Variants in LIPN observed in about 807,000 individuals in gnomAD.
The protein encoded by LIPN is lipase member N.
A neutral mutation model predicts 43.7 loss-of-function variants in LIPN; 32 were observed. The observed-to-expected ratio is 0.73, with a 90% CI of 0.55 to 0.98. The LOEUF (loss-of-function observed/expected upper bound fraction) is 0.98. Among genes scored for constraint, LIPN ranks in the 50% least tolerant of loss-of-function variants. The pLI is 0.00. For missense variants in LIPN, 505 were observed against 483.8 expected (o/e 1.04, Z -0.41); for synonymous variants, 156 against 157.6 (o/e 0.99, Z 0.08).
intron 4 of LIPN, among the ~76,000 whole-genome samples, 172 bp from the exon 5 acceptor site, chr10:88,766,097 G>T (rs1843091250): frequency 6.6e-6 from 1 of 151,866 alleles, no homozygotes; most frequent in African/African-American, 2.4e-5. Context: ...ATGTACATAT[G>T]CAGAAAAACA....
At position 88,766,339 on chromosome 10, in the gene LIPN, A is replaced by G; in HGVS notation, c.496A>G (p.Lys166Glu). 6.2e-7 allele frequency: 1 copy of G among 1,609,042 alleles called. No individual in the cohort carries two copies. Among genetic ancestry groups the G allele is most frequent in the Non-Finnish European group, 8.5e-7 (1 of 1,176,178 alleles). ...CATTGTAAATAAAACTGGTCAGGAG[A>G]AATTGTATTTCATTGGACATTCACT... ...DFIVNKTGQE[K>E]LYFIGHSLGT... is the part of the protein sequence containing the mutation. Residue 166 changes from lysine (K) to glutamate (E), a missense_variant, in exon 5 of 10, where the codon AAA (lysine) becomes GAA (glutamate). Lys to Glu is a moderately conservative substitution (Grantham distance 56, BLOSUM62 1). Coordinates refer to ENST00000404459, the MANE Select transcript of LIPN (RefSeq NM_001102469.2).
upstream of LIPN, among the ~76,000 whole-genome samples, chr10:88,757,333 C>T (rs1842938382): frequency 6.6e-6 from 1 of 152,094 alleles, no homozygotes; most frequent in Admixed American, 6.6e-5. Flanking sequence ...AGGATTTGAC[C>T]TTTGTCACAA....
intron 4 of LIPN, among the ~76,000 whole-genome samples, chr10:88,764,985 A>C (rs988379665): frequency 1.3e-5 from 2 of 151,278 alleles, no homozygotes; most frequent in African/African-American, 2.4e-5. Context: ...AAACTCTCTG[A>C]CCTCACAAAG....
At chr10:88,766,525 C>G (rs1843102712) in intron 5 of LIPN, 147 bp downstream of exon 5, 1 of 663,770 alleles carries the variant, frequency 1.5e-6, no homozygotes, top group Non-Finnish European at 2.7e-6. Context: ...AACCCTAGTA[C>G]TCTAAGTAGC....
At chr10:88,761,119 C>T (rs967523477) in intron 1 of LIPN, among the ~76,000 whole-genome samples, 7 of 152,074 alleles carry the variant, frequency 4.6e-5, no homozygotes, top group African/African-American at 1.7e-4. Context: ...AGACTTAAAG[C>T]AATTCAACCT....
chr10:88,777,367 T>C (rs963449469), intron 9 of LIPN, among the ~76,000 whole-genome samples: 1 of 152,084 alleles, frequency 6.6e-6, no homozygotes, highest in Non-Finnish European at 1.5e-5. Flanking sequence ...TCAGCATAGC[T>C]TTAATTTGGA....
At chr10:88,777,299 C>G (rs1843311210) in intron 9 of LIPN, among the ~76,000 whole-genome samples, 1 of 152,084 alleles carries the variant, frequency 6.6e-6, no homozygotes, top group Non-Finnish European at 1.5e-5. Flanking sequence ...TTCCACCTCT[C>G]TGAAATCATT....
rs372525200 is a variant in LIPN at position 88,770,950 on chromosome 10, A to G, written c.778A>G (p.Met260Val). 12 of 1,569,788 alleles carry G rather than the reference A, an allele frequency of 7.6e-6. No homozygotes were observed. The highest frequency in any genetic ancestry group is 5.4e-5 in the African/African-American group (4 of 73,878). ...ACTCTGGTTGATATGTAGCGAATTT[A>G]TGTCCTTATGGGCTGGATCCAACAA... ...KILWLICSEF[M>V]SLWAGSNKKN... The change falls in exon 7 of 10, where the codon ATG becomes GTG. Residue 260 changes from methionine to valine, a missense_variant. Physicochemically the swap from Met to Val is conservative, Grantham distance 21. Transcript: ENST00000404459.
At chr10:88,758,899 A>G, upstream of LIPN, among the ~76,000 whole-genome samples, 1 of 152,130 alleles carries the variant, frequency 6.6e-6, no homozygotes, top group African/African-American at 2.4e-5. Flanking sequence ...CAACAAATCA[A>G]TATTAATAAT....
intron 9 of LIPN, among the ~76,000 whole-genome samples, chr10:88,776,582 A>ATTC (rs1164971715): frequency 1.3e-5 from 2 of 152,098 alleles, no homozygotes; most frequent in Non-Finnish European, 2.9e-5. Flanking sequence ...ACTAGTCTCA[A>ATTC]CAGTTTGCTC....
chr10:88,764,346 TCTCA>T, intron 3 of LIPN, 60 bp from the exon 4 acceptor site: 1 of 1,254,594 alleles, frequency 8.0e-7, no homozygotes. Context: ...CATAAATTAC[TCTCA>T]CTCTTTCTCT....
chr10:88,770,535 T>C (rs544472957), intron 6 of LIPN, among the ~76,000 whole-genome samples: 48 of 151,886 alleles, frequency 3.2e-4, no homozygotes, highest in Non-Finnish European at 5.7e-4. Context: ...TTGTAAATAA[T>C]ATTTGATACT....
rs1268289167 is a variant in LIPN at position 88,778,310 on chromosome 10, A to T, written c.*68A>T. ...CATAAGGGACTTTAGAAAAAATAGT[A>T]ACCAACAATGAGGTTGTCCCCCAGC... On this transcript the variant is annotated 3_prime_UTR_variant, in exon 10 of 10. Transcript: ENST00000404459. 4 of 1,176,940 alleles carry T rather than the reference A, an allele frequency of 3.4e-6. No individual in the cohort carries two copies. The highest frequency in any genetic ancestry group is 2.8e-5 in the South Asian group (2 of 71,418). The allele number at this position is 1,176,940 out of a possible 1,614,324, so 72.9% of individuals were successfully genotyped here. A position where few individuals can be genotyped will look rare whatever the true frequency, so the allele number is the denominator to read the frequency against.
intron 9 of LIPN, among the ~76,000 whole-genome samples, chr10:88,775,822 G>A (rs763820970): frequency 1.3e-5 from 2 of 151,902 alleles, no homozygotes; most frequent in Non-Finnish European, 2.9e-5. Flanking sequence ...ATTGTTTTAA[G>A]TATTTTCCCA....
At chr10:88,773,594 A>G (rs74147277) in intron 7 of LIPN, among the ~76,000 whole-genome samples, 4,263 of 151,856 alleles carry the variant, frequency 0.028, 165 homozygotes, top group African/African-American at 0.086. Context: ...ATTCAAGAAG[A>G]AGGAGGAGGA....
intron 9 of LIPN, among the ~76,000 whole-genome samples, chr10:88,777,168 G>A (rs942473764): frequency 2.0e-5 from 3 of 151,974 alleles, no homozygotes; most frequent in African/African-American, 4.8e-5. Context: ...AATGTGTTAT[G>A]TTCGTTACCA....
chr10:88,778,388 G>A lies in LIPN; in HGVS notation c.*146G>A. The A allele has an allele frequency of 8.1e-6, 5 of 615,522 alleles. No individual in the cohort carries two copies. Among genetic ancestry groups the A allele is most frequent in the Non-Finnish European group, 1.1e-5 (4 of 350,712 alleles). The allele number at this position is 615,522 out of a possible 1,614,324, so 38.1% of individuals were successfully genotyped here. A position where few individuals can be genotyped will look rare whatever the true frequency, so the allele number is the denominator to read the frequency against. ...TGTTTTCCAAGTCAATTGTGTTAGTGTTATTTATGTTTAGAGACATCTTTG... is the reference window on the plus strand; with the variant it reads ...TGTTTTCCAAGTCAATTGTGTTAGTATTATTTATGTTTAGAGACATCTTTG... On this transcript the variant is annotated 3_prime_UTR_variant, in exon 10 of 10. Coordinates refer to ENST00000404459, the MANE Select transcript of LIPN (RefSeq NM_001102469.2).
Position 88,764,614 on chromosome 10 carries a change from TA to T in LIPN, c.425+7del, listed in dbSNP as rs1843060915. On this transcript the variant is annotated splice_region_variant and intron_variant, in intron 4 of 9. Transcript: ENST00000404459. ...GAGAAATTCTGGGCCTTTAGGTAAA[TA>T]TTAGCTAAGAAAACTCAAGGGGGAA... 1.9e-6 allele frequency: 3 copies of T among 1,573,700 alleles called. No individual in the cohort carries two copies. The highest frequency in any genetic ancestry group is 1.7e-6 in the Non-Finnish European group (2 of 1,159,492).
intron 6 of LIPN, chr10:88,769,694 T>A (rs1049440790): frequency 1.9e-6 from 1 of 516,980 alleles, no homozygotes; most frequent in Non-Finnish European, 2.5e-6. Flanking sequence ...TATAAGAAAA[T>A]GAGACGTTGG....
Sources: gnomAD v4.1 joint callset for allele counts (sites outside exome capture counted in the v4.1 genomes callset) on GRCh38, gnomAD v4.1.1 for gene constraint, MANE v1.5 for transcripts, NCBI Gene and HGNC (gene_info 2026-07-23, HGNC 2026-07-21) for gene names.